The following PDE4B variants were observed in gnomAD, a reference collection of about 807,000 sequenced individuals.
The protein encoded by PDE4B is phosphodiesterase 4B.
Under a neutral mutation model 82.2 loss-of-function variants are expected in PDE4B, and 20 were observed. That is an observed-to-expected ratio of 0.24 (90% CI 0.17 to 0.35). The LOEUF is 0.35. PDE4B is among the 10% of genes least tolerant of loss of function. The pLI is 1.00. For synonymous variants in PDE4B, 320 were observed against 318.9 expected (o/e 1.00, Z -0.04); for missense variants, 655 against 907.2 (o/e 0.72, Z 3.57).
chr1:66,001,379 CA>C (rs1477691784), intron 3 of PDE4B, among the ~76,000 whole-genome samples: 1 of 152,120 alleles, frequency 6.6e-6, no homozygotes, highest in African/African-American at 2.4e-5. Context: ...CGATGGAGAG[CA>C]ATAGTTTTGG....
At chr1:65,854,355 T>C (rs187158462) in intron 1 of PDE4B, among the ~76,000 whole-genome samples, 3 of 152,090 alleles carry the variant, frequency 2.0e-5, no homozygotes, top group Admixed American at 2.0e-4. Flanking sequence ...CATTCTTTTT[T>C]TGTGGACTCA....
At chr1:65,969,084 A>T (rs574711540) in intron 3 of PDE4B, among the ~76,000 whole-genome samples, 1 of 152,294 alleles carries the variant, frequency 6.6e-6, no homozygotes, top group East Asian at 1.9e-4. Flanking sequence ...TGTATAAGTC[A>T]GGATAAGCTG....
At chr1:65,986,995 A>G (rs939913310) in intron 3 of PDE4B, among the ~76,000 whole-genome samples, 10 of 152,186 alleles carry the variant, frequency 6.6e-5, no homozygotes, top group African/African-American at 2.2e-4. Context: ...GTGAACAAAA[A>G]GGAGGCCAGT....
chr1:65,813,693 G>A (rs1645845421), intron 1 of PDE4B, among the ~76,000 whole-genome samples: 1 of 152,062 alleles, frequency 6.6e-6, no homozygotes, highest in Admixed American at 6.5e-5. Flanking sequence ...AGACCTTAAT[G>A]GCAAATGGGT....
intron 3 of PDE4B, among the ~76,000 whole-genome samples, chr1:65,937,409 G>A (rs2310754): frequency 0.41 from 61,657 of 152,038 alleles, 14,597 homozygotes; most frequent in Non-Finnish European, 0.54. Flanking sequence ...GTTGACAGTC[G>A]CATGAGGCTT....
At chr1:66,103,221 G>A (rs934595766) in intron 3 of PDE4B, among the ~76,000 whole-genome samples, 2 of 152,050 alleles carry the variant, frequency 1.3e-5, no homozygotes, top group African/African-American at 4.8e-5. Flanking sequence ...GAGCATTGTG[G>A]GGTAAGAGAA....
At chr1:66,262,204 G>A (rs1309458117) in intron 6 of PDE4B, among the ~76,000 whole-genome samples, 1 of 152,166 alleles carries the variant, frequency 6.6e-6, no homozygotes, top group Non-Finnish European at 1.5e-5. Context: ...AATTAACTGA[G>A]GATCATAAAA....
At position 66,103,600 on chromosome 1, in the gene PDE4B, T is replaced by C. The variant is rs184618255; in HGVS notation, c.282-143860T>C. Among the ~76,000 whole-genome samples, 136 of 152,224 alleles carry C rather than the reference T, an allele frequency of 8.9e-4. 1 individual carries two copies. The highest frequency in any genetic ancestry group is 6.6e-4 in the Non-Finnish European group (45 of 68,012). On this transcript the variant is annotated intron_variant, in intron 3 of 16. Transcript: ENST00000341517. The stretch of plus-strand genomic sequence containing the variant: ...ATCATGGCAATCCTTTTAAACTTAT[T>C]GGTTTAGTATGGTATAAAACTCACA...
chr1:66,008,136 G>T (rs1190571444), intron 3 of PDE4B, among the ~76,000 whole-genome samples: 1 of 152,102 alleles, frequency 6.6e-6, no homozygotes, highest in East Asian at 1.9e-4. Context: ...GACTCATGGG[G>T]TTTAATTTGG....
intron 7 of PDE4B, among the ~76,000 whole-genome samples, chr1:66,310,516 T>G (rs1275073185): frequency 6.6e-6 from 1 of 152,196 alleles, no homozygotes; most frequent in Non-Finnish European, 1.5e-5. Context: ...TATCTTTAAG[T>G]GGAATTCAAT....
chr1:66,054,092 A>T (rs1277187810), intron 3 of PDE4B, among the ~76,000 whole-genome samples: 1 of 152,118 alleles, frequency 6.6e-6, no homozygotes, highest in Non-Finnish European at 1.5e-5. Context: ...AAGGCGGTGG[A>T]TCCAGGGTTT....
chr1:65,909,135 G>T (rs191346382), intron 1 of PDE4B, among the ~76,000 whole-genome samples: 1 of 152,216 alleles, frequency 6.6e-6, no homozygotes, highest in East Asian at 1.9e-4. Context: ...GGAGAAAAAT[G>T]AAGACTAGTT....
At chr1:66,035,900 A>G (rs996479955) in intron 3 of PDE4B, among the ~76,000 whole-genome samples, 1 of 152,082 alleles carries the variant, frequency 6.6e-6, no homozygotes, top group Non-Finnish European at 1.5e-5. Flanking sequence ...TTGTATTTTT[A>G]CTTTTGTGAG....
chr1:66,193,917 G>T (rs1648042922), intron 3 of PDE4B, among the ~76,000 whole-genome samples: 1 of 150,176 alleles, frequency 6.7e-6, no homozygotes, highest in Admixed American at 6.7e-5. Flanking sequence ...CTGAGGCCAT[G>T]TCACATTTGA....
chr1:65,888,193 A>G (rs1268086021), intron 1 of PDE4B, among the ~76,000 whole-genome samples: 1 of 152,116 alleles, frequency 6.6e-6, no homozygotes, highest in African/African-American at 2.4e-5. Flanking sequence ...AGCACCATTT[A>G]TTGAAGAGAA....
chr1:65,981,506 T>C (rs990904732), intron 3 of PDE4B, among the ~76,000 whole-genome samples: 4 of 151,882 alleles, frequency 2.6e-5, no homozygotes, highest in African/African-American at 7.2e-5. Context: ...TACAGTGTGT[T>C]GTATTTATGT....
At chr1:65,931,152 C>A (rs1647810861) in intron 3 of PDE4B, among the ~76,000 whole-genome samples, 1 of 152,158 alleles carries the variant, frequency 6.6e-6, no homozygotes, top group Admixed American at 6.5e-5. Context: ...CTTCCTGCTC[C>A]ACCCATGTAA....
intron 3 of PDE4B, among the ~76,000 whole-genome samples, chr1:66,007,749 A>AT (rs1314649213): frequency 1.3e-5 from 2 of 152,112 alleles, no homozygotes; most frequent in African/African-American, 4.8e-5. Context: ...TCGCATTTTA[A>AT]TTTTTTTCAC....
At chr1:65,830,278 C>T (rs1646067619) in intron 1 of PDE4B, among the ~76,000 whole-genome samples, 2 of 152,084 alleles carry the variant, frequency 1.3e-5, no homozygotes, top group Admixed American at 1.3e-4. Flanking sequence ...GGAGACCAAC[C>T]TTTCTTACAG....
Sources: allele counts gnomAD v4.1 joint callset (sites outside exome capture counted in the v4.1 genomes callset), GRCh38; gene constraint gnomAD v4.1.1; transcripts MANE v1.5; gene names NCBI Gene and HGNC (gene_info 2026-07-23, HGNC 2026-07-21).